The following PCDH15 variants were observed in gnomAD, a reference collection of about 807,000 sequenced individuals.
The protein encoded by PCDH15 is protocadherin related 15.
A neutral mutation model predicts 178.5 loss-of-function variants in PCDH15; 129 were observed. The ratio of observed to expected loss-of-function variants is 0.72; its 90% CI spans 0.63 to 0.84. PCDH15 has a LOEUF of 0.84. Ranked by LOEUF, PCDH15 falls within the 40% of genes least tolerant of loss-of-function variation. PCDH15 has a pLI of 0.00. For synonymous variants in PCDH15, 800 were observed against 732.0 expected (o/e 1.09, Z -1.50); for missense variants, 2,230 against 2,099.9 (o/e 1.06, Z -1.21).
At chr10:55,459,194 AATAGAG>A (rs1386751677) in intron 2 of PCDH15, among the ~76,000 whole-genome samples, 1 of 146,542 alleles carries the variant, frequency 6.8e-6, no homozygotes, top group African/African-American at 2.5e-5. Flanking sequence ...ACCCTAAATA[AATAGAG>A]AGGGCAATTA....
chr10:54,473,467 C>T (rs2078059467), intron 3 of PCDH15, among the ~76,000 whole-genome samples: 1 of 152,076 alleles, frequency 6.6e-6, no homozygotes, highest in Non-Finnish European at 1.5e-5. Flanking sequence ...ATTTTCTCGT[C>T]TGTCTCTCTG....
At chr10:54,550,773 G>A (rs2086482739) in intron 2 of PCDH15, among the ~76,000 whole-genome samples, 1 of 152,044 alleles carries the variant, frequency 6.6e-6, no homozygotes, top group African/African-American at 2.4e-5. Flanking sequence ...ATCTTTTAAT[G>A]CTAGGTGAAT....
chr10:55,249,773 T>C (rs1248532225), intron 1 of PCDH15, among the ~76,000 whole-genome samples: 1 of 151,984 alleles, frequency 6.6e-6, no homozygotes. Context: ...ATTATATATG[T>C]ATCATATATA....
chr10:53,959,836 C>A lies in PCDH15; in HGVS notation c.3018G>T (p.Val1006=), dbSNP rs41307518. The A allele has an allele frequency of 3.2e-3, 5,190 of 1,613,068 alleles. 26 individuals are homozygous for A. Among genetic ancestry groups the A allele is most frequent in the South Asian group, 0.017 (1,520 of 91,054 alleles). The change falls in exon 23 of 38, where the codon GTG becomes GTT. Residue 1006 remains valine, a synonymous_variant. Transcript: ENST00000644397. ...CAGGCTCCCCATCATCAAAAGCAAC[C>A]ACCACCAACTTAAAAAGCAATAAAA... The part of the protein sequence containing the change: ...EEPTTIFKLV[V]VAFDDGEPVM...
intron 1 of PCDH15, among the ~76,000 whole-genome samples, chr10:54,787,837 T>C (rs1312982335): frequency 6.6e-6 from 1 of 152,024 alleles, no homozygotes; most frequent in Non-Finnish European, 1.5e-5. Flanking sequence ...GCCAGTTATA[T>C]ATCACTAGGT....
chr10:54,090,679 A>G (rs1430405001), intron 15 of PCDH15, among the ~76,000 whole-genome samples: 2 of 150,944 alleles, frequency 1.3e-5, no homozygotes, highest in Non-Finnish European at 2.9e-5. Flanking sequence ...AACTATGTTT[A>G]CAGTGTCGAT....
chr10:54,071,493 T>G (rs966120672), intron 17 of PCDH15, among the ~76,000 whole-genome samples: 2 of 152,164 alleles, frequency 1.3e-5, no homozygotes. Flanking sequence ...TATCATTTAA[T>G]TTTTACATCT....
At chr10:54,579,369 CAAT>C (rs778731094) in intron 2 of PCDH15, among the ~76,000 whole-genome samples, 3 of 151,920 alleles carry the variant, frequency 2.0e-5, no homozygotes, top group Non-Finnish European at 4.4e-5. Context: ...GAATTTAAAC[CAAT>C]AATAATAAAA....
At chr10:55,607,943 A>G (rs1843269243) in intron 2 of PCDH15, among the ~76,000 whole-genome samples, 1 of 151,630 alleles carries the variant, frequency 6.6e-6, no homozygotes, top group Non-Finnish European at 1.5e-5. Flanking sequence ...GAGAGAGAGA[A>G]AGAGAGAGAG....
intron 2 of PCDH15, among the ~76,000 whole-genome samples, chr10:55,515,699 CA>C (rs1840996736): frequency 6.6e-6 from 1 of 151,580 alleles, no homozygotes; most frequent in South Asian, 2.1e-4. Context: ...ATACTGTAAC[CA>C]AAAAGGTCGA....
At chr10:53,811,879 T>A (rs962048251) in intron 35 of PCDH15, among the ~76,000 whole-genome samples, 1 of 152,228 alleles carries the variant, frequency 6.6e-6, no homozygotes, top group African/African-American at 2.4e-5. Flanking sequence ...GTAATTTTTT[T>A]CTAATGGCAA....
intron 1 of PCDH15, among the ~76,000 whole-genome samples, chr10:55,178,357 A>G (rs995458522): frequency 2.0e-5 from 3 of 152,150 alleles, no homozygotes; most frequent in Non-Finnish European, 2.9e-5. Context: ...TATTCTTCTG[A>G]GGAAATAGAA....
chr10:54,329,364 A>C (rs771361560), intron 7 of PCDH15, among the ~76,000 whole-genome samples: 1 of 151,926 alleles, frequency 6.6e-6, no homozygotes, highest in Non-Finnish European at 1.5e-5. Context: ...AAAAGGTTGG[A>C]TAATGGATAA....
intron 37 of PCDH15, chr10:53,808,330 G>GTGTATATA (rs1554815344): frequency 1.5e-5 from 3 of 201,310 alleles, no homozygotes; most frequent in African/African-American, 7.8e-5. Flanking sequence ...GTGTGTGTGT[G>GTGTATATA]TATATATATA....
intron 2 of PCDH15, among the ~76,000 whole-genome samples, chr10:55,517,740 A>C (rs934061422): frequency 3.3e-5 from 5 of 152,148 alleles, no homozygotes; most frequent in Admixed American, 6.6e-5. Flanking sequence ...CCAAATTGGT[A>C]ACAATCCATA....
At position 54,240,882 on chromosome 10, in the gene PCDH15, T is replaced by C. The variant is rs561668889; in HGVS notation, c.877-3951A>G. On this transcript the variant is annotated intron_variant, in intron 8 of 37. Coordinates refer to ENST00000644397, the MANE Select transcript of PCDH15 (RefSeq NM_001384140.1). ...TCTTGACCTCGTGATTCACCCGCCT[T>C]GGCCTCCCAAAGTGCTGGGATTACA... Among the ~76,000 whole-genome samples the C allele has an allele frequency of 4.6e-5, 7 of 152,094 alleles. No homozygotes were observed. The East Asian group carries it at 9.7e-4, about 21-fold the overall frequency.
At chr10:54,774,579 A>G (rs1157152650) in intron 1 of PCDH15, among the ~76,000 whole-genome samples, 1 of 152,200 alleles carries the variant, frequency 6.6e-6, no homozygotes, top group Non-Finnish European at 1.5e-5. Context: ...ATACATGCAT[A>G]TAAATTAATA....
chr10:55,009,968 T>C (rs530176911), intron 2 of PCDH15, among the ~76,000 whole-genome samples: 2 of 152,300 alleles, frequency 1.3e-5, no homozygotes, highest in South Asian at 2.1e-4. Context: ...ATAAATCTTC[T>C]GTTCTCTTTG....
At chr10:55,123,928 G>A (rs1837835762) in intron 2 of PCDH15, among the ~76,000 whole-genome samples, 1 of 152,146 alleles carries the variant, frequency 6.6e-6, no homozygotes, top group South Asian at 2.1e-4. Context: ...CCTGAGGCAA[G>A]AAGAAAGAGA....
Sources: allele counts gnomAD v4.1 joint callset (sites outside exome capture counted in the v4.1 genomes callset), GRCh38; gene constraint gnomAD v4.1.1; transcripts MANE v1.5; gene names NCBI Gene and HGNC (gene_info 2026-07-23, HGNC 2026-07-21).